Variants in NCAPH observed in about 807,000 individuals in gnomAD.
The protein encoded by NCAPH is condensin complex subunit 2.
In NCAPH, 38 loss-of-function variants were observed where a neutral mutation model predicts 85.5. The observed-to-expected ratio is 0.44, with a 90% CI of 0.34 to 0.58. The LOEUF (loss-of-function observed/expected upper bound fraction) is 0.58. Among genes scored for constraint, NCAPH ranks in the 20% least tolerant of loss-of-function variants. The probability of loss-of-function intolerance (pLI) is 0.01; values close to 1 mark genes in which losing one functional copy is unlikely to be tolerated. For synonymous variants in NCAPH, 301 were observed against 335.1 expected, an observed-to-expected ratio of 0.90 and a Z score of 1.11; for missense variants, 789 against 916.6, an observed-to-expected ratio of 0.86 and a Z score of 1.80.
At chr2:96,359,313 G>A in intron 10 of NCAPH, 120 bp downstream of exon 10, 1 of 1,272,782 alleles carries the variant, frequency 7.9e-7, no homozygotes, top group Non-Finnish European at 1.1e-6. Flanking sequence ...ATAAGCCGAG[G>A]AAGCATACAG....
At chr2:96,369,331 T>G in intron 16 of NCAPH, 94 bp from the exon 17 acceptor site, 1 of 1,070,454 alleles carries the variant, frequency 9.3e-7, no homozygotes, top group African/African-American at 1.6e-5. Flanking sequence ...TCTCATTAGT[T>G]TAGTCATTGC....
At chr2:96,355,658 T>C (rs2064514560) in intron 9 of NCAPH, among the ~76,000 whole-genome samples, 1 of 151,546 alleles carries the variant, frequency 6.6e-6, no homozygotes, top group Non-Finnish European at 1.5e-5. Context: ...TTTTTTTTTT[T>C]TGAGACAGAG....
intron 12 of NCAPH, among the ~76,000 whole-genome samples, chr2:96,364,016 G>A (rs1382608572): frequency 6.6e-6 from 1 of 152,010 alleles, no homozygotes; most frequent in Non-Finnish European, 1.5e-5. Context: ...CCCAACGCTA[G>A]TCTCAAAATT....
intron 17 of NCAPH, among the ~76,000 whole-genome samples, chr2:96,370,905 G>C (rs148193180): frequency 4.9e-4 from 75 of 152,284 alleles, no homozygotes; most frequent in African/African-American, 1.7e-3. Flanking sequence ...TTGCATGGCT[G>C]CTGTTGGGGG....
chr2:96,367,130 C>A, intron 14 of NCAPH, 127 bp from the exon 15 acceptor site: 1 of 611,644 alleles, frequency 1.6e-6, no homozygotes, highest in Non-Finnish European at 2.9e-6. Context: ...AACAAGAGAG[C>A]TCTGTAGCTC....
intron 6 of NCAPH, among the ~76,000 whole-genome samples, chr2:96,350,240 G>T (rs1467410515): frequency 6.6e-6 from 1 of 152,138 alleles, no homozygotes; most frequent in Non-Finnish European, 1.5e-5. Context: ...CCATTGAATT[G>T]CTTGGGGATA....
chr2:96,358,657 A>T (rs1321440059), intron 9 of NCAPH, among the ~76,000 whole-genome samples: 2 of 152,034 alleles, frequency 1.3e-5, no homozygotes, highest in Admixed American at 1.3e-4. Context: ...TTTAGTAGAG[A>T]CGGCGTTTCA....
intron 14 of NCAPH, 60 bp downstream of exon 14, chr2:96,366,118 A>G: frequency 6.4e-7 from 1 of 1,551,562 alleles, no homozygotes. Context: ...ATTGTCTCTT[A>G]TATGAGAGTC....
At chr2:96,373,229 G>A in intron 17 of NCAPH, 63 bp from the exon 18 acceptor site, 2 of 1,409,404 alleles carry the variant, frequency 1.4e-6, no homozygotes, top group East Asian at 2.3e-5. Context: ...GACTGTGATT[G>A]GAATTTATGA....
At chr2:96,369,371 A>C in intron 16 of NCAPH, 54 bp from the exon 17 acceptor site, 1 of 1,450,198 alleles carries the variant, frequency 6.9e-7, no homozygotes, top group South Asian at 1.1e-5. Flanking sequence ...TTGATGAACG[A>C]GCTTTTGTTC....
At chr2:96,337,738 G>C (rs1346648737) in intron 1 of NCAPH, among the ~76,000 whole-genome samples, 1 of 152,076 alleles carries the variant, frequency 6.6e-6, no homozygotes, top group Non-Finnish European at 1.5e-5. Flanking sequence ...TAGAGACAGG[G>C]TCTTGCTGTG....
chr2:96,360,283 C>A, intron 11 of NCAPH, 34 bp downstream of exon 11: 1 of 1,197,160 alleles, frequency 8.4e-7, no homozygotes, highest in South Asian at 1.3e-5. Context: ...TGTGCTTACT[C>A]GTTTTTCCCT....
chr2:96,336,907 A>G (rs932901563), intron 1 of NCAPH, among the ~76,000 whole-genome samples: 1 of 152,242 alleles, frequency 6.6e-6, no homozygotes, highest in Non-Finnish European at 1.5e-5. Flanking sequence ...GGAAGAAGCC[A>G]AGAGTGTTTC....
intron 9 of NCAPH, among the ~76,000 whole-genome samples, chr2:96,358,634 A>G (rs1231505232): frequency 6.6e-6 from 1 of 152,052 alleles, no homozygotes; most frequent in Non-Finnish European, 1.5e-5. Context: ...ACGCCCGGCT[A>G]ATTTTTTGTA....
chr2:96,370,094 G>A (rs575938508), intron 17 of NCAPH, among the ~76,000 whole-genome samples: 1 of 152,314 alleles, frequency 6.6e-6, no homozygotes, highest in Admixed American at 6.5e-5. Context: ...CAGGAGCCGA[G>A]TGGTACTACC....
intron 1 of NCAPH, among the ~76,000 whole-genome samples, chr2:96,338,241 G>GAAAAAAAAAAAAAAA (rs34560390): frequency 2.5e-5 from 2 of 80,860 alleles, no homozygotes; most frequent in African/African-American, 5.0e-5. Flanking sequence ...CTATTTTATT[G>GAAAAAAAAAAAAAAA]AAAAAAAAAA....
chr2:96,352,622 C>T (rs2064460271), intron 7 of NCAPH, among the ~76,000 whole-genome samples: 1 of 152,172 alleles, frequency 6.6e-6, no homozygotes, highest in Non-Finnish European at 1.5e-5. Flanking sequence ...GCGTGCAGTG[C>T]AGTAGCTACA....
rs1258969175 is a variant in NCAPH at position 96,344,139 on chromosome 2, G to A, written c.630G>A (p.Lys210=). 6.2e-7 allele frequency: 1 copy of A among 1,613,492 alleles called. No individual in the cohort carries two copies. Residue 210 remains lysine (K), a synonymous_variant, in exon 6 of 18, where the codon AAG becomes AAA. Transcript: ENST00000240423. ...CTACTGAAATGGGAACAACCAAAAA[G>A]GCTGTAAAGCCAAAGAAGAAGCACT... The part of the protein sequence containing the change: ...GSATEMGTTK[K]AVKPKKKHLH...
intron 6 of NCAPH, among the ~76,000 whole-genome samples, chr2:96,349,258 A>G (rs2064403856): frequency 1.3e-5 from 2 of 152,210 alleles, no homozygotes; most frequent in Non-Finnish European, 2.9e-5. Context: ...CAATCCTGGA[A>G]AGCTTTTTTT....
Sources: allele counts gnomAD v4.1 joint callset (sites outside exome capture counted in the v4.1 genomes callset), GRCh38; gene constraint gnomAD v4.1.1; transcripts MANE v1.5; gene names NCBI Gene and HGNC (gene_info 2026-07-23, HGNC 2026-07-21).